Variants in DNAH10 observed in about 807,000 individuals in gnomAD.
DNAH10 encodes dynein axonemal heavy chain 10, also known as axonemal beta dynein heavy chain 10.
DNAH10 carries 348 observed loss-of-function variants against 506.6 expected under a neutral mutation model. That is an observed-to-expected ratio of 0.69 (90% CI 0.63 to 0.75). The LOEUF (loss-of-function observed/expected upper bound fraction) is 0.75. Ranked by LOEUF, DNAH10 falls within the 30% of genes least tolerant of loss-of-function variation. The pLI is 0.00. For missense variants in DNAH10, 5,179 were observed against 5,787.1 expected (o/e 0.89, Z 3.41); for synonymous variants, 2,059 against 2,198.6 (o/e 0.94, Z 1.78).
chr12:123,921,690 AGTTTTTTTTTTTTTTTTTTTTTTTTT>A (rs1954730946), intron 65 of DNAH10, among the ~76,000 whole-genome samples: 1 of 98,272 alleles, frequency 1.0e-5, no homozygotes, highest in African/African-American at 4.0e-5. Context: ...TGTAGCTTGC[AGTTTTTTTTTTTTTTTTTTTTTTTTT>A]TTTTTTTTTT....
At chr12:123,849,484 C>G (rs1184202536) in intron 34 of DNAH10, among the ~76,000 whole-genome samples, 1 of 152,178 alleles carries the variant, frequency 6.6e-6, no homozygotes, top group Non-Finnish European at 1.5e-5. Flanking sequence ...ATTATGTAAT[C>G]TAGGTGGCCC....
intron 36 of DNAH10, among the ~76,000 whole-genome samples, chr12:123,856,541 C>T (rs944114807): frequency 3.3e-5 from 5 of 150,622 alleles, no homozygotes; most frequent in African/African-American, 7.3e-5. Flanking sequence ...TTCACCATGT[C>T]GGCCAGGCTG....
chr12:123,838,409 C>A, intron 28 of DNAH10, 47 bp from the exon 29 acceptor site: 1 of 1,540,886 alleles, frequency 6.5e-7, no homozygotes. Context: ...AGTGTCTCCG[C>A]TCTCCCTGCT....
At chr12:123,812,173 C>T (rs946438520) in intron 19 of DNAH10, among the ~76,000 whole-genome samples, 13 of 151,898 alleles carry the variant, frequency 8.6e-5, no homozygotes, top group South Asian at 2.1e-4. Flanking sequence ...GAGCCTTGGC[C>T]GGGCGCAGTG....
chr12:123,822,274 T>C (rs1436110436), intron 24 of DNAH10, among the ~76,000 whole-genome samples: 2 of 152,196 alleles, frequency 1.3e-5, no homozygotes, highest in Admixed American at 1.3e-4. Context: ...ATGTTTCCCA[T>C]GCAAATTCAT....
rs915530169 is a variant in DNAH10 at position 123,902,127 on chromosome 12, G to A, written c.9641-812G>A. ...TAGCTTATAAATGCACCACTCCAGCGTCTGTCTCCATTGCCACACGCCCCT... is the reference window on the plus strand; with the variant it reads ...TAGCTTATAAATGCACCACTCCAGCATCTGTCTCCATTGCCACACGCCCCT... On this transcript the variant is annotated intron_variant, in intron 56 of 78. Transcript: ENST00000673944. The surrounding 1 kb of genome is among the most constrained non-coding windows in gnomAD (Gnocchi z 4.5). 1.3e-5 allele frequency among the ~76,000 whole-genome samples: 2 copies of A among 152,112 alleles called. No homozygotes were observed. Among genetic ancestry groups the A allele is most frequent in the Non-Finnish European group, 2.9e-5 (2 of 68,016 alleles).
At chr12:123,818,541 C>A (rs1959184118) in intron 21 of DNAH10, among the ~76,000 whole-genome samples, 1 of 152,140 alleles carries the variant, frequency 6.6e-6, no homozygotes, top group Non-Finnish European at 1.5e-5. Flanking sequence ...CCAGGCTGGT[C>A]TCGAACTCCT....
In DNAH10 at chr12:123,846,212, T is replaced by G; in HGVS notation, c.5814+58T>G. The G allele has an allele frequency of 1.9e-6, 3 of 1,555,714 alleles. No homozygotes were observed. Among genetic ancestry groups the G allele is most frequent in the Non-Finnish European group, 2.6e-6 (3 of 1,150,114 alleles). ...TTACCTTGGGGCGGGGCATTTTCTC[T>G]AAGCTTGAGGTGTGATGACTGCAGT... On this transcript the variant is annotated intron_variant, in intron 32 of 78. Coordinates refer to ENST00000673944, the MANE Select transcript of DNAH10 (RefSeq NM_001372106.1). This position sits in a 1 kb window ranked among gnomAD's most constrained non-coding sequence, Gnocchi z 4.5.
Position 123,857,110 on chromosome 12 carries a change from G to A in DNAH10, c.6493G>A (p.Glu2165Lys). 1 of 1,613,272 alleles carries A rather than the reference G, an allele frequency of 6.2e-7. No homozygotes were observed. Among genetic ancestry groups the A allele is most frequent in the Non-Finnish European group, 8.5e-7 (1 of 1,179,610 alleles). ...RDMNLPKFVF[E>K]DVPLFLGLIS... Reference sequence around the variant, plus strand: ...CATGAACTTGCCCAAATTTGTGTTTGAAGATGTTCCTCTTTTCCTTGGTTT... The same window carrying A: ...CATGAACTTGCCCAAATTTGTGTTTAAAGATGTTCCTCTTTTCCTTGGTTT... The change falls in exon 37 of 79, where the codon GAA becomes AAA. Residue 2165 changes from glutamate to lysine, a missense_variant. By Grantham distance (56) the Glu-to-Lys change is moderately conservative. Coordinates refer to ENST00000673944, the MANE Select transcript of DNAH10 (RefSeq NM_001372106.1).
chr12:123,793,859 T>C, intron 11 of DNAH10, 83 bp from the exon 12 acceptor site: 3 of 949,842 alleles, frequency 3.2e-6, no homozygotes, highest in Non-Finnish European at 4.0e-6. Context: ...AAACCACTGA[T>C]TTTTTTTTTC....
At chr12:123,814,609 ATTTTT>A (rs1214217837) in intron 21 of DNAH10, among the ~76,000 whole-genome samples, 12,709 of 120,682 alleles carry the variant, frequency 0.11, 332 homozygotes, top group African/African-American at 0.15. Context: ...GGCCAGGTAG[ATTTTT>A]TTTTTTTTTT....
intron 72 of DNAH10, 150 bp downstream of exon 72, chr12:123,929,909 T>C (rs752400984): frequency 1.6e-5 from 11 of 691,848 alleles, no homozygotes; most frequent in Non-Finnish European, 2.6e-5. Flanking sequence ...TGCTCTCACC[T>C]GGTTGTTCTT....
At chr12:123,852,606 T>C (rs545175321) in intron 35 of DNAH10, among the ~76,000 whole-genome samples, 188 of 151,686 alleles carry the variant, frequency 1.2e-3, no homozygotes, top group Non-Finnish European at 1.9e-3. Context: ...GGAATCTTGC[T>C]CTGTCACCCA....
intron 13 of DNAH10, among the ~76,000 whole-genome samples, chr12:123,798,837 G>T (rs568823687): frequency 0.014 from 2,164 of 149,402 alleles, 54 homozygotes; most frequent in African/African-American, 0.049. Context: ...CAGGTGCAGT[G>T]GCTCACACCT....
At chr12:123,824,183 T>C (rs374643649) in intron 24 of DNAH10, among the ~76,000 whole-genome samples, 2 of 152,032 alleles carry the variant, frequency 1.3e-5, no homozygotes, top group Non-Finnish European at 2.9e-5. Context: ...CAGTGGGACC[T>C]CCTGGAGGTG....
At chr12:123,847,248 A>ATCTG (rs1950991190) in intron 32 of DNAH10, among the ~76,000 whole-genome samples, 1 of 149,186 alleles carries the variant, frequency 6.7e-6, no homozygotes, top group Admixed American at 6.6e-5. Flanking sequence ...CTATCTATCT[A>ATCTG]TCTATCTATC....
intron 11 of DNAH10, among the ~76,000 whole-genome samples, chr12:123,793,343 T>C (rs1211638983): frequency 7.0e-6 from 1 of 142,758 alleles, no homozygotes; most frequent in Non-Finnish European, 1.5e-5. Context: ...GTTACTGTCT[T>C]TTTTTTTTTT....
Position 123,875,580 on chromosome 12 carries a change from C to T in DNAH10, c.8199+89C>T, listed in dbSNP as rs1952222938. The T allele has an allele frequency of 4.6e-6, 7 of 1,514,786 alleles. No individual in the cohort carries two copies. In the Admixed American group the frequency reaches 7.1e-5, roughly 15 times the overall value. 93.8% of individuals were successfully genotyped at this position (1,514,786 alleles called of 1,614,324 possible). A position where few individuals can be genotyped will look rare whatever the true frequency, so the allele number is the denominator to read the frequency against. On this transcript the variant is annotated intron_variant, in intron 47 of 78. Transcript: ENST00000673944. The stretch of plus-strand genomic sequence containing the variant: ...GGCTGACTTATCCATGTAGGCACAG[C>T]AGGGTTAGGGCCCTCAATACTTTTA...
At chr12:123,921,690 A>AT (rs1566107321) in intron 65 of DNAH10, among the ~76,000 whole-genome samples, 7 of 98,272 alleles carry the variant, frequency 7.1e-5, no homozygotes, top group African/African-American at 2.8e-4. Flanking sequence ...TGTAGCTTGC[A>AT]GTTTTTTTTT....
Sources: gnomAD v4.1 joint callset for allele counts (sites outside exome capture counted in the v4.1 genomes callset) on GRCh38, gnomAD v4.1.1 for gene constraint, Gnocchi (gnomAD v3.1) non-coding constraint, MANE v1.5 for transcripts, NCBI Gene and HGNC (gene_info 2026-07-23, HGNC 2026-07-21) for gene names.